Variants in PIK3CD observed in about 807,000 individuals in gnomAD.
PIK3CD encodes phosphatidylinositol-4,5-bisphosphate 3-kinase catalytic subunit delta.
Under a neutral mutation model 122.9 loss-of-function variants are expected in PIK3CD, and 20 were observed. The observed-to-expected ratio is 0.16, with a 90% CI of 0.11 to 0.24. The LOEUF is 0.24. PIK3CD is among the 10% of genes least tolerant of loss of function. The pLI is 1.00. For missense variants in PIK3CD, 787 were observed against 1,406.3 expected, an observed-to-expected ratio of 0.56 and a Z score of 7.04; for synonymous variants, 596 against 593.4, an observed-to-expected ratio of 1.00 and a Z score of -0.06.
At chr1:9,650,284 C>T (rs955245594), upstream of PIK3CD, among the ~76,000 whole-genome samples, 1 of 151,934 alleles carries the variant, frequency 6.6e-6, no homozygotes, top group Non-Finnish European at 1.5e-5. Flanking sequence ...TAGCCAGGCA[C>T]GGTGGTGTGC....
chr1:9,666,561 G>C (rs114213094), intron 1 of PIK3CD, among the ~76,000 whole-genome samples: 1 of 151,592 alleles, frequency 6.6e-6, no homozygotes, highest in Non-Finnish European at 1.5e-5. Context: ...TTGGCAACTC[G>C]TTGAAAGAGT....
the PIK3CD span, among the ~76,000 whole-genome samples, chr1:9,640,930 C>T: frequency 4.6e-5 from 7 of 152,116 alleles, no homozygotes; most frequent in African/African-American, 1.7e-4. Context: ...GATGCTCTGG[C>T]CTTCGAGACC....
At chr1:9,713,794 C>T (rs1014735901) in intron 3 of PIK3CD, among the ~76,000 whole-genome samples, 5 of 149,362 alleles carry the variant, frequency 3.3e-5, no homozygotes, top group Non-Finnish European at 5.9e-5. Context: ...ATTTTTGTAA[C>T]GGTGGACCTT....
chr1:9,667,902 ATTTTTGTTTTTT>A (rs1645209103), intron 1 of PIK3CD, among the ~76,000 whole-genome samples: 2 of 106,472 alleles, frequency 1.9e-5, no homozygotes, highest in African/African-American at 8.2e-5. Context: ...TGCCTGGCTA[ATTTTTGTTTTTT>A]TTTTTTTTTT....
At chr1:9,648,395 A>G (rs968447780), upstream of PIK3CD, among the ~76,000 whole-genome samples, 10 of 152,248 alleles carry the variant, frequency 6.6e-5, no homozygotes, top group Non-Finnish European at 1.5e-4. Context: ...TGGAAGATGC[A>G]AAACCATTCG....
rs1476635447 is a variant in PIK3CD at position 9,700,222 on chromosome 1, G to A, written c.-33+8651G>A. Among the ~76,000 whole-genome samples the A allele has an allele frequency of 6.7e-6, 1 of 149,460 alleles. No homozygotes were observed. Among genetic ancestry groups the A allele is most frequent in the Non-Finnish European group, 1.5e-5 (1 of 67,128 alleles). On this transcript the variant is annotated intron_variant, in intron 2 of 23. Transcript: ENST00000377346. This position sits in a 1 kb window ranked among gnomAD's most constrained non-coding sequence, Gnocchi z 5.1. ...CTCGGCTCATTGCAGCCTCCCCCTC[G>A]CAGGTTCAAGTGATTCTCGTGGCTC...
chr1:9,699,399 C>T (rs1432614501), intron 2 of PIK3CD, among the ~76,000 whole-genome samples: 1 of 152,130 alleles, frequency 6.6e-6, no homozygotes, highest in Non-Finnish European at 1.5e-5. Flanking sequence ...CAGCCAAAGC[C>T]ATCTTTATAA....
intron 14 of PIK3CD, 66 bp downstream of exon 14, chr1:9,721,314 G>A: frequency 6.2e-7 from 1 of 1,611,308 alleles, no homozygotes; most frequent in Admixed American, 1.7e-5. Flanking sequence ...CCAGGACGTG[G>A]GCTCTGGGTG....
chr1:9,687,630 G>A (rs1234004519), intron 1 of PIK3CD: 1 of 152,118 alleles, frequency 6.6e-6, no homozygotes, highest in Non-Finnish European at 1.5e-5. Context: ...CCCGGGCTCC[G>A]CCCTCTCCCG....
intron 1 of PIK3CD, among the ~76,000 whole-genome samples, chr1:9,669,913 C>G (rs1248274393): frequency 1.3e-5 from 2 of 152,114 alleles, no homozygotes; most frequent in African/African-American, 2.4e-5. Flanking sequence ...GTGGCTCACG[C>G]CTGTAATCCC....
In PIK3CD at chr1:9,710,374, C is replaced by T; in HGVS notation, c.-32-50C>T. ...TTTCCAGGGAGTCCCTTCCAAAGGT[C>T]TCACCCAGCTCAGCTGAGGTAACTC... On this transcript the variant is annotated intron_variant, in intron 2 of 23. Coordinates refer to ENST00000377346, the MANE Select transcript of PIK3CD (RefSeq NM_005026.5). The surrounding 1 kb of genome is among the most constrained non-coding windows in gnomAD (Gnocchi z 4.7). 1 of 1,455,184 alleles carries T rather than the reference C, an allele frequency of 6.9e-7. No individual in the cohort carries two copies. The highest frequency in any genetic ancestry group is 9.6e-7 in the Non-Finnish European group (1 of 1,037,688). The allele number at this position is 1,455,184 out of a possible 1,614,324, so 90.1% of individuals were successfully genotyped here.
chr1:9,661,272 G>A (rs780643453), intron 1 of PIK3CD, among the ~76,000 whole-genome samples: 8 of 151,988 alleles, frequency 5.3e-5, no homozygotes, highest in Non-Finnish European at 1.0e-4. Flanking sequence ...TAGAGATGGG[G>A]TTTCATCATG....
At chr1:9,636,753 C>G in the PIK3CD span, among the ~76,000 whole-genome samples, 1 of 152,142 alleles carries the variant, frequency 6.6e-6, no homozygotes, top group Non-Finnish European at 1.5e-5. Context: ...CTCCTCCTAC[C>G]CGGCTTCAGG....
In PIK3CD at chr1:9,727,402, T is replaced by TCCTGGCG. The variant is rs1181357330; in HGVS notation, c.*364_*370dup. On this transcript the variant is annotated 3_prime_UTR_variant, in exon 24 of 24. Coordinates refer to ENST00000377346, the MANE Select transcript of PIK3CD (RefSeq NM_005026.5). ...CAGGCCTCCCGCCAGACTGCCTGGG[T>TCCTGGCG]CCTGGCGCCTGGCGGTCACCTGGTG... 12 of 422,906 alleles carry TCCTGGCG rather than the reference T, an allele frequency of 2.8e-5. No individual in the cohort carries two copies. The highest frequency in any genetic ancestry group is 2.4e-4 in the African/African-American group (12 of 49,900). The allele number at this position is 422,906 out of a possible 1,614,324, so 26.2% of individuals were successfully genotyped here.
chr1:9,716,504 G>A lies in PIK3CD; in HGVS notation c.665G>A (p.Arg222Gln), dbSNP rs1216060233. The change falls in exon 6 of 24, where the codon CGG (arginine) becomes CAG (glutamine). Residue 222 changes from arginine to glutamine, a missense_variant. Coordinates refer to ENST00000377346, the MANE Select transcript of PIK3CD (RefSeq NM_005026.5). ...CTGGCGCTGATGGCCTGTGCCCTGC[G>A]GAAGAAGGCCACAGTGTTCCGGCAG... ...VPLALMACAL[R>Q]KKATVFRQPL... 6 of 1,610,964 alleles carry A rather than the reference G, an allele frequency of 3.7e-6. No individual in the cohort carries two copies. The highest frequency in any genetic ancestry group is 4.2e-6 in the Non-Finnish European group (5 of 1,179,836).
chr1:9,631,968 C>T, the PIK3CD span, among the ~76,000 whole-genome samples: 1 of 150,624 alleles, frequency 6.6e-6, no homozygotes, highest in African/African-American at 2.4e-5. Flanking sequence ...ATCCTTCTTC[C>T]CTCCCTCCCT....
intron 3 of PIK3CD, among the ~76,000 whole-genome samples, chr1:9,711,728 T>C: frequency 6.7e-6 from 1 of 150,038 alleles, no homozygotes; most frequent in African/African-American, 2.5e-5. Flanking sequence ...GCACGTGCCA[T>C]CAAGCCCAAC....
chr1:9,627,476 G>T, the PIK3CD span, among the ~76,000 whole-genome samples: 2 of 152,236 alleles, frequency 1.3e-5, no homozygotes, highest in South Asian at 2.1e-4. Context: ...CGTGGGCCTC[G>T]CCTCTCTCCA....
chr1:9,676,377 G>C (rs931952059), intron 1 of PIK3CD, among the ~76,000 whole-genome samples: 2 of 152,212 alleles, frequency 1.3e-5, no homozygotes, highest in African/African-American at 4.8e-5. Flanking sequence ...CCTTGCTCTT[G>C]AAGGTCCTTG....
Sources: gnomAD v4.1 joint callset for allele counts (sites outside exome capture counted in the v4.1 genomes callset) on GRCh38, gnomAD v4.1.1 for gene constraint, Gnocchi (gnomAD v3.1) non-coding constraint, MANE v1.5 for transcripts, NCBI Gene and HGNC (gene_info 2026-07-23, HGNC 2026-07-21) for gene names.